TRIP4: variants seen among roughly 807,000 people sequenced by gnomAD.
TRIP4 encodes the protein activating signal cointegrator 1.
A neutral mutation model predicts 81.8 loss-of-function variants in TRIP4; 54 were observed. The observed-to-expected ratio is 0.66, with a 90% confidence interval of 0.53 to 0.83. TRIP4 has a LOEUF of 0.83. Ranked by LOEUF, TRIP4 falls within the 40% of genes least tolerant of loss-of-function variation. The pLI is 0.00. For synonymous variants in TRIP4, 270 were observed against 242.8 expected, an observed-to-expected ratio of 1.11 and a Z score of -1.04; for missense variants, 662 against 683.6, an observed-to-expected ratio of 0.97 and a Z score of 0.35.
intron 5 of TRIP4, among the ~76,000 whole-genome samples, chr15:64,405,015 C>G (rs959550263): frequency 6.6e-6 from 1 of 151,878 alleles, no homozygotes; most frequent in African/African-American, 2.4e-5. Flanking sequence ...TTGGGTGTAT[C>G]ATAATCTATG....
chr15:64,425,806 G>T (rs1436198477), intron 11 of TRIP4, among the ~76,000 whole-genome samples, 175 bp downstream of exon 11: 2 of 152,162 alleles, frequency 1.3e-5, no homozygotes, highest in African/African-American at 4.8e-5. Context: ...TTCCAGGCCG[G>T]GCGCTGGTGG....
intron 8 of TRIP4, among the ~76,000 whole-genome samples, chr15:64,417,107 G>C (rs530788605): frequency 6.6e-5 from 10 of 152,032 alleles, no homozygotes; most frequent in African/African-American, 2.4e-4. Context: ...TCCCAGGCTC[G>C]AGAGATCCTC....
intron 11 of TRIP4, among the ~76,000 whole-genome samples, chr15:64,433,966 G>T (rs1340055112): frequency 6.6e-6 from 1 of 151,962 alleles, no homozygotes; most frequent in Non-Finnish European, 1.5e-5. Flanking sequence ...TTTATGTGTG[G>T]CCCAGGACAA....
rs552887149 is a variant in TRIP4 at position 64,398,102 on chromosome 15, A to G, written c.618+284A>G. Among the ~76,000 whole-genome samples the G allele has an allele frequency of 2.0e-5, 3 of 152,078 alleles. No homozygotes were observed. In the South Asian group the frequency reaches 6.2e-4, roughly 32 times the overall value. On this transcript the variant is annotated intron_variant, in intron 4 of 12. Coordinates refer to ENST00000261884, the MANE Select transcript of TRIP4 (RefSeq NM_016213.5). ...ATTTTTATTAGAGACGGGATTTTAC[A>G]GTGTTAGCCAGGATGGTCTCGATCT...
At chr15:64,448,738 C>T (rs1411460418) in intron 12 of TRIP4, among the ~76,000 whole-genome samples, 1 of 152,124 alleles carries the variant, frequency 6.6e-6, no homozygotes. Context: ...AAACCTTCTA[C>T]TCTGCCAGAA....
At chr15:64,424,194 G>A (rs1892086987) in intron 10 of TRIP4, 39 bp downstream of exon 10, 1 of 1,610,982 alleles carries the variant, frequency 6.2e-7, no homozygotes, top group East Asian at 2.2e-5. Context: ...TTACTTTATG[G>A]AGAGAAGTCA....
At position 64,390,861 on chromosome 15, in the gene TRIP4, C is replaced by T. The variant is rs146066410; in HGVS notation, c.101+2897C>T. Among the ~76,000 whole-genome samples, 1,279 of 151,894 alleles carry T rather than the reference C, an allele frequency of 8.4e-3. 15 individuals carry two copies. The highest frequency in any genetic ancestry group is 0.029 in the African/African-American group (1,207 of 41,416). On this transcript the variant is annotated intron_variant, in intron 1 of 12. Transcript: ENST00000261884. ...AGTGAGCCAATATCTCACCACTGCA[C>T]TCCAGCCTGGGCGACAGAGCGAGAC...
At position 64,394,021 on chromosome 15, in the gene TRIP4, A is replaced by G; in HGVS notation, c.177A>G (p.Lys59=). The stretch of plus-strand genomic sequence containing the variant: ...ATCTCCTCCAGGGAAATGAAGGCAA[A>G]AAAGGTCAATTCATAGAAGAACTTA... ...VTDLLQGNEG[K]KGQFIEELIT... Residue 59 remains lysine (K), a synonymous_variant, in exon 2 of 13, where the codon AAA becomes AAG. Transcript: ENST00000261884. 1 of 1,612,506 alleles carries G rather than the reference A, an allele frequency of 6.2e-7. No homozygotes were observed. Among genetic ancestry groups the G allele is most frequent in the Non-Finnish European group, 8.5e-7 (1 of 1,179,268 alleles).
Position 64,397,681 on chromosome 15 carries a change from C to T in TRIP4, c.481C>T (p.Leu161Phe), listed in dbSNP as rs754286751. Residue 161 changes from leucine (L) to phenylalanine (F), a missense_variant, in exon 4 of 13, where the codon CTT becomes TTT. Transcript: ENST00000261884. ...ATACACAAGAGAGGGACAGGACAGG[C>T]TTGCAGTCCTGCTCCCTGGTCGTCA... The part of the protein sequence containing the change: ...NLYTREGQDR[L>F]AVLLPGRHPC... 6.8e-6 allele frequency: 11 copies of T among 1,614,050 alleles called. No individual in the cohort carries two copies. In the Admixed American group the frequency reaches 1.7e-4, roughly 24 times the overall value.
At chr15:64,417,494 T>C (rs932292686) in intron 8 of TRIP4, among the ~76,000 whole-genome samples, 4 of 152,158 alleles carry the variant, frequency 2.6e-5, no homozygotes, top group African/African-American at 9.7e-5. Context: ...AATATCATCA[T>C]GCTAATTGCC....
rs1316734439 is a variant in TRIP4 at position 64,406,415 on chromosome 15, G to A, written c.783G>A (p.Lys261=). 3.7e-6 allele frequency: 6 copies of A among 1,614,158 alleles called. No individual in the cohort carries two copies. Reference sequence around the variant, plus strand: ...TGCGAATTAAGTCTGGTCTGGAGAAGGCTATCAAGCATAAAGACAAACTGT... The same window carrying A: ...TGCGAATTAAGTCTGGTCTGGAGAAAGCTATCAAGCATAAAGACAAACTGT... ...QELRIKSGLE[K]AIKHKDKLLE... is the part of the protein sequence containing the mutation. The change falls in exon 6 of 13, where the codon AAG becomes AAA. Residue 261 remains lysine (K), a synonymous_variant. Transcript: ENST00000261884.
At chr15:64,396,322 G>C (rs1221518414) in intron 3 of TRIP4, among the ~76,000 whole-genome samples, 9 of 138,792 alleles carry the variant, frequency 6.5e-5, no homozygotes, top group African/African-American at 2.5e-4. Context: ...TGTCACCCAG[G>C]CTGGAGTGCA....
intron 4 of TRIP4, among the ~76,000 whole-genome samples, chr15:64,398,039 T>A (rs1178449934): frequency 1.3e-5 from 2 of 152,088 alleles, no homozygotes; most frequent in Non-Finnish European, 2.9e-5. Context: ...CAGCTGGAAC[T>A]ACAGGTGCCT....
rs114779741 is a variant in TRIP4, at chr15:64,432,352, G to A, written c.1575+6721G>A. 8.9e-3 allele frequency among the ~76,000 whole-genome samples: 1,346 copies of A among 151,984 alleles called. 19 individuals are homozygous for A. Among genetic ancestry groups the A allele is most frequent in the African/African-American group, 0.03 (1,260 of 41,440 alleles). On this transcript the variant is annotated intron_variant, in intron 11 of 12. Transcript: ENST00000261884. ...ACTTGAGCCAGGCGCAGTGGTTTAC[G>A]CCTGTAATCCCACCGCTTTGGGAGA...
chr15:64,439,233 T>C (rs1007229924), intron 11 of TRIP4, among the ~76,000 whole-genome samples: 1 of 152,210 alleles, frequency 6.6e-6, no homozygotes, highest in Non-Finnish European at 1.5e-5. Flanking sequence ...AAATGAGAAC[T>C]GTTTATCACA....
chr15:64,387,888 G>A lies in TRIP4; in HGVS notation c.25G>A (p.Gly9Arg), dbSNP rs17525799. 1.9e-5 allele frequency: 29 copies of A among 1,548,620 alleles called. No individual in the cohort carries two copies. Among genetic ancestry groups the A allele is most frequent in the Non-Finnish European group, 2.4e-5 (28 of 1,146,848 alleles). MAVAGAVS[G>R]EPLVHWCTQQ... ...GATGGCGGTGGCTGGGGCGGTGTCC[G>A]GGGAGCCGCTGGTGCACTGGTGCAC... The change falls in exon 1 of 13, where the codon GGG becomes AGG. Residue 9 changes from glycine to arginine, a missense_variant. Coordinates refer to ENST00000261884, the MANE Select transcript of TRIP4 (RefSeq NM_016213.5).
chr15:64,438,412 C>G (rs1402593294), intron 11 of TRIP4, among the ~76,000 whole-genome samples: 1 of 152,184 alleles, frequency 6.6e-6, no homozygotes, highest in Non-Finnish European at 1.5e-5. Flanking sequence ...CTCTGCCTCC[C>G]AGGTTCAAAC....
At chr15:64,395,287 A>G in intron 2 of TRIP4, 111 bp from the exon 3 acceptor site, 1 of 868,210 alleles carries the variant, frequency 1.2e-6, no homozygotes, top group Non-Finnish European at 1.6e-6. Flanking sequence ...TCCTGATGAT[A>G]TCTTGACTCT....
At chr15:64,408,381 C>T (rs1891680961) in intron 6 of TRIP4, among the ~76,000 whole-genome samples, 1 of 150,538 alleles carries the variant, frequency 6.6e-6, no homozygotes, top group Admixed American at 6.7e-5. Flanking sequence ...GCCTCAGCCT[C>T]CTGAGTAGCT....
Sources: gnomAD v4.1 joint callset for allele counts (sites outside exome capture counted in the v4.1 genomes callset) on GRCh38, gnomAD v4.1.1 for gene constraint, MANE v1.5 for transcripts, NCBI Gene and HGNC (gene_info 2026-07-23, HGNC 2026-07-21) for gene names.